FAM178B: variants seen among roughly 807,000 people sequenced by gnomAD.
FAM178B encodes protein FAM178B.
A neutral mutation model predicts 91.7 loss-of-function variants in FAM178B; 82 were observed. That is an observed-to-expected ratio of 0.89 (90% CI 0.75 to 1.07). The LOEUF (loss-of-function observed/expected upper bound fraction) is 1.07, where lower values mean the gene tolerates loss of function less well. Among genes scored for constraint, FAM178B ranks in the 50% least tolerant of loss-of-function variants. The probability of loss-of-function intolerance (pLI) is 0.00; values close to 1 mark genes in which losing one functional copy is unlikely to be tolerated. For synonymous variants in FAM178B, 368 were observed against 359.4 expected, an observed-to-expected ratio of 1.02 and a Z score of -0.27; for missense variants, 769 against 846.7, an observed-to-expected ratio of 0.91 and a Z score of 1.14.
In FAM178B at chr2:96,905,115, G is replaced by A. The variant is rs149099158; in HGVS notation, c.1563-2408C>T. ...AAGTCTGGATACTCATGACCCTGGGGTGGGGGTGGGGGGCAGGTTCTGATC... is the reference window on the plus strand; with the variant it reads ...AAGTCTGGATACTCATGACCCTGGGATGGGGGTGGGGGGCAGGTTCTGATC... On this transcript the variant is annotated intron_variant, in intron 12 of 16. Transcript: ENST00000490605. 5.2e-3 allele frequency among the ~76,000 whole-genome samples: 784 copies of A among 151,484 alleles called. 9 individuals carry two copies. The highest frequency in any genetic ancestry group is 0.018 in the African/African-American group (761 of 41,234).
chr2:96,922,462 G>C (rs1264071513), intron 10 of FAM178B, among the ~76,000 whole-genome samples: 3 of 152,146 alleles, frequency 2.0e-5, no homozygotes, highest in African/African-American at 7.2e-5. Context: ...CAATTCTCCT[G>C]CCTCAGCTTC....
chr2:96,949,574 C>T (rs571245203), intron 7 of FAM178B, among the ~76,000 whole-genome samples: 17 of 152,254 alleles, frequency 1.1e-4, no homozygotes, highest in Admixed American at 9.8e-4. Context: ...GAACCACCCT[C>T]GCACCTGCAG....
chr2:96,984,719 C>T (rs1251024971), intron 1 of FAM178B, among the ~76,000 whole-genome samples: 1 of 152,250 alleles, frequency 6.6e-6, no homozygotes, highest in Non-Finnish European at 1.5e-5. Flanking sequence ...CAAAGTAACA[C>T]ATTTTTCATT....
chr2:96,950,266 G>A (rs1484288990), intron 7 of FAM178B, among the ~76,000 whole-genome samples: 1 of 152,202 alleles, frequency 6.6e-6, no homozygotes, highest in Non-Finnish European at 1.5e-5. Flanking sequence ...CGCCAGCGTG[G>A]GGAATAATGG....
At chr2:96,933,530 G>T (rs761185195) in intron 8 of FAM178B, among the ~76,000 whole-genome samples, 1 of 152,182 alleles carries the variant, frequency 6.6e-6, no homozygotes, top group African/African-American at 2.4e-5. Context: ...GAACCTCTTC[G>T]GTCACTGGAA....
intron 5 of FAM178B, among the ~76,000 whole-genome samples, chr2:96,962,298 T>A (rs1255405241): frequency 6.6e-6 from 1 of 151,516 alleles, no homozygotes; most frequent in Non-Finnish European, 1.5e-5. Context: ...CAAGACTCCA[T>A]CTCAAAGGGA....
At chr2:96,909,432 C>A (rs926227420) in intron 12 of FAM178B, among the ~76,000 whole-genome samples, 9 of 152,208 alleles carry the variant, frequency 5.9e-5, no homozygotes, top group African/African-American at 2.2e-4. Context: ...AACCTAGGTC[C>A]TCTACGCTTG....
At chr2:96,962,310 G>A (rs4366944) in intron 5 of FAM178B, among the ~76,000 whole-genome samples, 119,200 of 151,720 alleles carry the variant, frequency 0.79, 48,320 homozygotes, top group Non-Finnish European at 0.88. Flanking sequence ...TCAAAGGGAA[G>A]AAAATACAAA....
intron 12 of FAM178B, among the ~76,000 whole-genome samples, chr2:96,909,595 G>C (rs541197536): frequency 6.6e-6 from 1 of 152,304 alleles, no homozygotes; most frequent in Admixed American, 6.5e-5. Flanking sequence ...GACACTCGGA[G>C]TTGAGGCTGA....
intron 6 of FAM178B, among the ~76,000 whole-genome samples, chr2:96,956,474 C>A (rs1183514208): frequency 6.6e-6 from 1 of 152,214 alleles, no homozygotes; most frequent in Admixed American, 6.5e-5. Context: ...GCTCGCTCTG[C>A]AGTCTGAAAC....
At chr2:96,921,778 G>C in intron 10 of FAM178B, 124 bp from the exon 11 acceptor site, 1 of 972,514 alleles carries the variant, frequency 1.0e-6, no homozygotes, top group Admixed American at 2.4e-5. Flanking sequence ...CGGCCATGTT[G>C]GGTAGGAGCT....
chr2:96,929,663 C>T (rs1235169670), intron 8 of FAM178B, among the ~76,000 whole-genome samples: 1 of 152,238 alleles, frequency 6.6e-6, no homozygotes, highest in Non-Finnish European at 1.5e-5. Flanking sequence ...GTGCCAGAGG[C>T]CCCGAGCTAC....
At chr2:96,967,035 G>A (rs1382720668) in intron 5 of FAM178B, among the ~76,000 whole-genome samples, 1 of 152,160 alleles carries the variant, frequency 6.6e-6, no homozygotes, top group African/African-American at 2.4e-5. Flanking sequence ...GGATTCGGTT[G>A]TGGCCCTGGG....
At chr2:96,929,107 A>T in intron 9 of FAM178B, 99 bp downstream of exon 9, 1 of 863,216 alleles carries the variant, frequency 1.2e-6, no homozygotes, top group Non-Finnish European at 1.9e-6. Context: ...GCAGTGAGCT[A>T]TGATTATACC....
chr2:96,963,862 C>A (rs181331126), intron 5 of FAM178B, among the ~76,000 whole-genome samples: 1 of 152,196 alleles, frequency 6.6e-6, no homozygotes, highest in African/African-American at 2.4e-5. Context: ...GTTTGCTGAT[C>A]CTTGATTTAG....
At chr2:96,903,696 G>C (rs2080978311) in intron 12 of FAM178B, among the ~76,000 whole-genome samples, 1 of 152,242 alleles carries the variant, frequency 6.6e-6, no homozygotes, top group Non-Finnish European at 1.5e-5. Context: ...ACAGAGCCCT[G>C]AGAATGCCCA....
intron 2 of FAM178B, 25 bp downstream of exon 2, chr2:96,972,513 A>T: frequency 6.4e-7 from 1 of 1,550,850 alleles, no homozygotes; most frequent in Non-Finnish European, 8.7e-7. Context: ...GTGGGGATTT[A>T]CCTGTGCAGG....
chr2:96,901,207 C>A (rs1046851795), intron 13 of FAM178B, among the ~76,000 whole-genome samples: 3 of 149,178 alleles, frequency 2.0e-5, no homozygotes, highest in Non-Finnish European at 4.4e-5. Context: ...GAGTCTTGCC[C>A]TGTCGCCCAG....
At chr2:96,981,035 G>A (rs112904912) in intron 1 of FAM178B, among the ~76,000 whole-genome samples, 10,819 of 152,062 alleles carry the variant, frequency 0.071, 523 homozygotes, top group Middle Eastern at 0.17. Context: ...GCAGTGGTGC[G>A]ATCTCAGCTC....
Sources: gnomAD v4.1 joint callset for allele counts (sites outside exome capture counted in the v4.1 genomes callset) on GRCh38, gnomAD v4.1.1 for gene constraint, MANE v1.5 for transcripts, NCBI Gene and HGNC (gene_info 2026-07-23, HGNC 2026-07-21) for gene names.